The following MATR3 variants were observed in gnomAD, a reference collection of about 807,000 sequenced individuals.
MATR3 encodes the protein matrin-3.
MATR3 carries 4 observed loss-of-function variants against 85.5 expected under a neutral mutation model. The ratio of observed to expected loss-of-function variants is 0.05; its 90% CI spans 0.02 to 0.11. The LOEUF (loss-of-function observed/expected upper bound fraction) is 0.11, where lower values mean the gene tolerates loss of function less well. Among genes scored for constraint, MATR3 ranks in the 10% least tolerant of loss-of-function variants. The pLI, the probability that MATR3 is intolerant of heterozygous loss-of-function variation, is 1.00. For missense variants in MATR3, 685 were observed against 1,016.1 expected, an observed-to-expected ratio of 0.67 and a Z score of 4.43; for synonymous variants, 336 against 343.1, an observed-to-expected ratio of 0.98 and a Z score of 0.23.
chr5:139,331,545 C>T lies in MATR3; in HGVS notation c.*2150C>T, dbSNP rs916649685. ...AACAGCCCTTCGATTACGAGAAAAC[C>T]TCTTTTTAGTAGGAATGTTTCCACT... On this transcript the variant is annotated 3_prime_UTR_variant, in exon 15 of 15. Coordinates refer to ENST00000394805, the MANE Select transcript of MATR3 (RefSeq NM_018834.6). 3 of 453,970 alleles carry T rather than the reference C, an allele frequency of 6.6e-6. No homozygotes were observed. Among genetic ancestry groups the T allele is most frequent in the African/African-American group, 6.0e-5 (3 of 49,992 alleles). The allele number at this position is 453,970 out of a possible 1,614,324, so 28.1% of individuals were successfully genotyped here. A position where few individuals can be genotyped will look rare whatever the true frequency, so the allele number is the denominator to read the frequency against.
chr5:139,314,909 T>A, intron 3 of MATR3, 173 bp downstream of exon 3: 1 of 607,298 alleles, frequency 1.6e-6, no homozygotes, highest in Non-Finnish European at 3.0e-6. Flanking sequence ...AATTTCATAT[T>A]GAATATTAGA....
In MATR3 at chr5:139,308,320, C is replaced by T; in HGVS notation, c.905C>T (p.Ser302Phe). 6.2e-7 allele frequency: 1 copy of T among 1,614,108 alleles called. No individual in the cohort carries two copies. Among genetic ancestry groups the T allele is most frequent in the Non-Finnish European group, 8.5e-7 (1 of 1,179,990 alleles). The change falls in exon 2 of 15, where the codon TCT (serine) becomes TTT (phenylalanine). Residue 302 changes from serine to phenylalanine, a missense_variant. Physicochemically the swap from Ser to Phe is radical, Grantham distance 155. Transcript: ENST00000394805. Reference sequence around the variant, plus strand: ...TCTATATGTGATTTGCCAGTTCATTCTAATAAGGTGAGTTAACTCAACAGA... The same window carrying T: ...TCTATATGTGATTTGCCAGTTCATTTTAATAAGGTGAGTTAACTCAACAGA... ...LCSICDLPVH[S>F]NKEWSQHING... is the part of the protein sequence containing the mutation.
At chr5:139,317,156 G>T (rs1227400489) in intron 6 of MATR3, 51 bp downstream of exon 6, 11 of 1,550,580 alleles carry the variant, frequency 7.1e-6, no homozygotes, top group Non-Finnish European at 9.8e-6. Context: ...TTGGGAATAT[G>T]ATTTGACCTA....
Position 139,319,516 on chromosome 5 carries a change from G to A in MATR3, c.1602+15G>A, listed in dbSNP as rs1219775845. 3 of 1,595,754 alleles carry A rather than the reference G, an allele frequency of 1.9e-6. No homozygotes were observed. The highest frequency in any genetic ancestry group is 2.6e-6 in the Non-Finnish European group (3 of 1,164,680). On this transcript the variant is annotated intron_variant, in intron 9 of 14. Coordinates refer to ENST00000394805, the MANE Select transcript of MATR3 (RefSeq NM_018834.6). ...TGAAAAGTCAGGTAATATACATAAG[G>A]AAGTTTTAGAGAAGATAATTTATTA...
chr5:139,279,104 C>G (rs1290204456), exon 3 of MATR3: 2 of 455,288 alleles, frequency 4.4e-6, no homozygotes, highest in African/African-American at 2.0e-5. Flanking sequence ...TGTCTGACAG[C>G]CCTGTGTGAC....
intron 2 of MATR3, chr5:139,310,669 TAAG>T (rs1340423162): frequency 6.6e-6 from 1 of 152,218 alleles, no homozygotes; most frequent in African/African-American, 2.4e-5. Flanking sequence ...TACTGTGAAG[TAAG>T]AAACTTAAGT....
rs913932592 is a variant in MATR3, at chr5:139,328,651, G to A, written c.2494-694G>A. 1.3e-4 allele frequency among the ~76,000 whole-genome samples: 20 copies of A among 152,202 alleles called. 1 individual carries two copies. Among genetic ancestry groups the A allele is most frequent in the Admixed American group, 1.2e-3 (18 of 15,274 alleles). ...TAACAAAGACTGAATGGCCCAATGA[G>A]TCTAAAATATTTACTGCTGGCCTTG... On this transcript the variant is annotated intron_variant, in intron 14 of 14. Coordinates refer to ENST00000394805, the MANE Select transcript of MATR3 (RefSeq NM_018834.6).
At chr5:139,314,115 C>T (rs1755130579) in intron 2 of MATR3, 1 of 155,520 alleles carries the variant, frequency 6.4e-6, no homozygotes, top group East Asian at 1.9e-4. Flanking sequence ...TGGGGTTTCG[C>T]CATGTTGGCT....
rs767660135 is a variant in MATR3 at position 139,324,290 on chromosome 5, G to GTTT, written c.2149-1132_2149-1130dup. Among the ~76,000 whole-genome samples, 285 of 107,672 alleles carry GTTT rather than the reference G, an allele frequency of 2.6e-3. 10 individuals carry two copies. The highest frequency in any genetic ancestry group is 4.6e-3 in the South Asian group (14 of 3,042). 70.6% of individuals were successfully genotyped at this position (107,672 alleles called of 152,430 possible). A position where few individuals can be genotyped will look rare whatever the true frequency, so the allele number is the denominator to read the frequency against. ...GGCAGTCATTCTTCAGAGCATGATT[G>GTTT]TTTTTTTTTTTTTTTTTTTTGGAGA... On this transcript the variant is annotated intron_variant, in intron 12 of 14. Transcript: ENST00000394805.
chr5:139,303,202 A>G (rs1754541409), intron 1 of MATR3, among the ~76,000 whole-genome samples: 1 of 152,174 alleles, frequency 6.6e-6, no homozygotes, highest in African/African-American at 2.4e-5. Context: ...CCCAGGTTCA[A>G]GTGATTCTCC....
chr5:139,306,266 C>G lies in MATR3; in HGVS notation c.-177-973C>G, dbSNP rs7724324. Among the ~76,000 whole-genome samples, 396 of 152,240 alleles carry G rather than the reference C, an allele frequency of 2.6e-3. 1 individual carries two copies. The highest frequency in any genetic ancestry group is 9.2e-3 in the African/African-American group (382 of 41,542). On this transcript the variant is annotated intron_variant, in intron 1 of 14. Coordinates refer to ENST00000394805, the MANE Select transcript of MATR3 (RefSeq NM_018834.6). ...AAGAAAACAATTTCATCTAGAAACA[C>G]GTCTTGGGGGATCATAATCAGAACA...
At chr5:139,328,450 G>A (rs1755968843) in intron 14 of MATR3, among the ~76,000 whole-genome samples, 1 of 151,974 alleles carries the variant, frequency 6.6e-6, no homozygotes, top group African/African-American at 2.4e-5. Context: ...TGTCTTAATG[G>A]AGCTCCCGTG....
chr5:139,316,353 C>T (rs1003373852), intron 5 of MATR3, among the ~76,000 whole-genome samples, 165 bp downstream of exon 5: 3 of 152,174 alleles, frequency 2.0e-5, no homozygotes, highest in African/African-American at 7.2e-5. Flanking sequence ...GCAAGCAGTT[C>T]TCCTGCTTCA....
chr5:139,319,053 A>T lies in MATR3; in HGVS notation c.1434+20A>T. 1 of 1,601,386 alleles carries T rather than the reference A, an allele frequency of 6.2e-7. No individual in the cohort carries two copies. Among genetic ancestry groups the T allele is most frequent in the Non-Finnish European group, 8.6e-7 (1 of 1,168,558 alleles). ...ATAAAGGTAATGTTTATTTTTTTCA[A>T]GCTGTATATCAGTTTAACAAATGAT... On this transcript the variant is annotated intron_variant, in intron 8 of 14. Transcript: ENST00000394805.
chr5:139,326,030 T>G, intron 13 of MATR3, 133 bp from the exon 14 acceptor site: 3 of 812,602 alleles, frequency 3.7e-6, no homozygotes, highest in Non-Finnish European at 5.9e-6. Context: ...GTTCGGTTTT[T>G]GTTTTTTATC....
intron 1 of MATR3, among the ~76,000 whole-genome samples, chr5:139,275,486 T>C (rs1753242283): frequency 6.6e-6 from 1 of 152,118 alleles, no homozygotes; most frequent in African/African-American, 2.4e-5. Flanking sequence ...CTGGATAACT[T>C]TTCCCTTTTT....
Position 139,329,337 on chromosome 5 carries a change from C to T in MATR3, c.2494-8C>T. ...TGACTTAATGGCTGTAATTCTCTTTCTTTATAGAAATTTCTGAATAAATTG... is the reference window on the plus strand; with the variant it reads ...TGACTTAATGGCTGTAATTCTCTTTTTTTATAGAAATTTCTGAATAAATTG... On this transcript the variant is annotated splice_region_variant and splice_polypyrimidine_tract_variant and intron_variant, in intron 14 of 14. Coordinates refer to ENST00000394805, the MANE Select transcript of MATR3 (RefSeq NM_018834.6). 1.9e-6 allele frequency: 3 copies of T among 1,559,736 alleles called. No homozygotes were observed. Among genetic ancestry groups the T allele is most frequent in the Non-Finnish European group, 2.6e-6 (3 of 1,136,204 alleles).
chr5:139,308,727 T>G (rs1754827019), intron 2 of MATR3, among the ~76,000 whole-genome samples: 1 of 152,244 alleles, frequency 6.6e-6, no homozygotes, highest in South Asian at 2.1e-4. Flanking sequence ...ATTGCTGATT[T>G]GTATGTAGTA....
At chr5:139,312,290 G>GTTGTCCTTTCTC (rs1755028831) in intron 2 of MATR3, 1 of 152,202 alleles carries the variant, frequency 6.6e-6, no homozygotes, top group Non-Finnish European at 1.5e-5. Context: ...TAGAGATCGG[G>GTTGTCCTTTCTC]TTTCACTGTG....
Sources: gnomAD v4.1 joint callset for allele counts (sites outside exome capture counted in the v4.1 genomes callset) on GRCh38, gnomAD v4.1.1 for gene constraint, MANE v1.5 for transcripts, NCBI Gene and HGNC (gene_info 2026-07-23, HGNC 2026-07-21) for gene names.